TTC28: variants seen among roughly 807,000 people sequenced by gnomAD.
TTC28 encodes the protein tetratricopeptide repeat protein 28.
In TTC28, 61 loss-of-function variants were observed where a neutral mutation model predicts 198.0. The observed-to-expected ratio is 0.31, with a 90% CI of 0.25 to 0.38. The LOEUF is 0.38. Among genes scored for constraint, TTC28 ranks in the 10% least tolerant of loss-of-function variants. The pLI is 1.00. For synonymous variants in TTC28, 1,171 were observed against 1,297.8 expected, an observed-to-expected ratio of 0.90 and a Z score of 2.10; for missense variants, 2,678 against 3,164.0, an observed-to-expected ratio of 0.85 and a Z score of 3.69.
intron 2 of TTC28, among the ~76,000 whole-genome samples, chr22:28,525,639 C>T (rs1174900846): frequency 6.6e-6 from 1 of 152,190 alleles, no homozygotes; most frequent in African/African-American, 2.4e-5. Context: ...GTTATCTATA[C>T]TCCATGAGGC....
At chr22:28,010,297 C>A (rs1244151348) in intron 14 of TTC28, among the ~76,000 whole-genome samples, 1 of 152,168 alleles carries the variant, frequency 6.6e-6, no homozygotes, top group African/African-American at 2.4e-5. Flanking sequence ...ATAACCTTCC[C>A]CCTTCCTAGC....
intron 2 of TTC28, among the ~76,000 whole-genome samples, chr22:28,315,398 G>A (rs1408328547): frequency 6.6e-6 from 1 of 152,056 alleles, no homozygotes; most frequent in African/African-American, 2.4e-5. Context: ...GGCCCTTGGA[G>A]CTATGATATC....
intron 2 of TTC28, among the ~76,000 whole-genome samples, chr22:28,328,238 C>T (rs1405003401): frequency 6.6e-6 from 1 of 152,050 alleles, no homozygotes. Context: ...TCAAGACCAG[C>T]TTGGGCAACA....
Position 28,046,598 on chromosome 22 carries a change from G to T in TTC28, c.3933-16232C>A, listed in dbSNP as rs143938866. 4.8e-3 allele frequency among the ~76,000 whole-genome samples: 730 copies of T among 152,226 alleles called. 4 individuals are homozygous for T. Among genetic ancestry groups the T allele is most frequent in the Non-Finnish European group, 7.4e-3 (505 of 68,006 alleles). ...AAGGTAACCAAGCAAAAAAGTAAAAGCCCCTCTCTCCTCCCACAAAGTGAG... is the reference window on the plus strand; with the variant it reads ...AAGGTAACCAAGCAAAAAAGTAAAATCCCCTCTCTCCTCCCACAAAGTGAG... On this transcript the variant is annotated intron_variant, in intron 12 of 22. Coordinates refer to ENST00000397906, the MANE Select transcript of TTC28 (RefSeq NM_001145418.2).
At chr22:28,535,487 C>A (rs2049246684) in intron 2 of TTC28, among the ~76,000 whole-genome samples, 1 of 152,138 alleles carries the variant, frequency 6.6e-6, no homozygotes, top group Non-Finnish European at 1.5e-5. Flanking sequence ...CTTTGAGATT[C>A]ATTAATGTTT....
intron 6 of TTC28, among the ~76,000 whole-genome samples, chr22:28,146,246 G>C (rs1256057113): frequency 1.3e-5 from 2 of 152,204 alleles, no homozygotes; most frequent in African/African-American, 4.8e-5. Flanking sequence ...TCTGCTACAA[G>C]AAGAAGGGAA....
chr22:28,529,427 G>A (rs2049082647), intron 2 of TTC28, among the ~76,000 whole-genome samples: 1 of 152,206 alleles, frequency 6.6e-6, no homozygotes, highest in Non-Finnish European at 1.5e-5. Flanking sequence ...ACTGGGTGGA[G>A]TCCACCACAG....
intron 6 of TTC28, among the ~76,000 whole-genome samples, chr22:28,118,496 C>T (rs1942700000): frequency 6.6e-6 from 1 of 152,018 alleles, no homozygotes; most frequent in Non-Finnish European, 1.5e-5. Flanking sequence ...GATTATAATA[C>T]CATATTTTTA....
intron 1 of TTC28, among the ~76,000 whole-genome samples, chr22:28,648,711 C>T (rs1373528051): frequency 6.6e-6 from 1 of 152,180 alleles, no homozygotes; most frequent in Non-Finnish European, 1.5e-5. Context: ...GAATTCGAGA[C>T]CAGCCTGGGC....
intron 11 of TTC28, among the ~76,000 whole-genome samples, chr22:28,094,953 A>G (rs1941928537): frequency 1.3e-5 from 2 of 152,194 alleles, no homozygotes; most frequent in Admixed American, 1.3e-4. Flanking sequence ...CCTCATTAAG[A>G]GCAAAAAGGA....
At chr22:28,319,986 C>T (rs1341166671) in intron 2 of TTC28, among the ~76,000 whole-genome samples, 1 of 152,054 alleles carries the variant, frequency 6.6e-6, no homozygotes, top group Non-Finnish European at 1.5e-5. Flanking sequence ...AGGCAAGATG[C>T]CACGTGTTTT....
At chr22:28,507,913 A>G (rs1340034832) in intron 2 of TTC28, among the ~76,000 whole-genome samples, 1 of 152,196 alleles carries the variant, frequency 6.6e-6, no homozygotes, top group Non-Finnish European at 1.5e-5. Context: ...AGGAAGCACT[A>G]AATATGGAAA....
chr22:28,503,608 C>G (rs2048565492), intron 2 of TTC28, among the ~76,000 whole-genome samples: 1 of 152,126 alleles, frequency 6.6e-6, no homozygotes, highest in Non-Finnish European at 1.5e-5. Context: ...CTCTAAACTT[C>G]AAAATGTTAC....
intron 2 of TTC28, among the ~76,000 whole-genome samples, chr22:28,552,116 AC>A (rs1229904529): frequency 6.6e-6 from 1 of 151,940 alleles, no homozygotes; most frequent in African/African-American, 2.4e-5. Flanking sequence ...CAAAAACTCA[AC>A]CCCCTTCACG....
chr22:28,648,335 A>G (rs1408139362), intron 1 of TTC28, among the ~76,000 whole-genome samples: 1 of 152,226 alleles, frequency 6.6e-6, no homozygotes, highest in Non-Finnish European at 1.5e-5. Flanking sequence ...TTAAAAAACC[A>G]AAAAACAATA....
intron 2 of TTC28, among the ~76,000 whole-genome samples, chr22:28,337,795 A>G (rs979190470): frequency 6.6e-6 from 1 of 151,958 alleles, no homozygotes; most frequent in Non-Finnish European, 1.5e-5. Context: ...TCTTTATCCA[A>G]TTTGCCAGTC....
In TTC28 at chr22:28,107,391, T is replaced by C. The variant is rs1942339991; in HGVS notation, c.2454A>G (p.Glu818=). Residue 818 remains glutamate, a synonymous_variant, in exon 7 of 23, where the codon GAA becomes GAG. Transcript: ENST00000397906. ...GCTTTTGCCCTAGATCCAGTTGCTCTTCATAACACTTGAATGCCATTGTGT... is the reference window on the plus strand; with the variant it reads ...GCTTTTGCCCTAGATCCAGTTGCTCCTCATAACACTTGAATGCCATTGTGT... ...GKYTMAFKCY[E]EQLDLGQKLK... 1 of 1,551,870 alleles carries C rather than the reference T, an allele frequency of 6.4e-7. No individual in the cohort carries two copies. Among genetic ancestry groups the C allele is most frequent in the African/African-American group, 1.4e-5 (1 of 73,182 alleles).
chr22:28,338,518 C>T (rs2045771531), intron 2 of TTC28, among the ~76,000 whole-genome samples: 1 of 152,154 alleles, frequency 6.6e-6, no homozygotes. Context: ...TCCCATATTT[C>T]TTGGAGGCTT....
chr22:28,442,115 A>AT (rs796335322), intron 2 of TTC28, among the ~76,000 whole-genome samples: 53 of 148,548 alleles, frequency 3.6e-4, no homozygotes, highest in East Asian at 2.2e-3. Context: ...GAACCGCTGG[A>AT]TTTTTTTTTT....
Sources: allele counts gnomAD v4.1 joint callset (sites outside exome capture counted in the v4.1 genomes callset), GRCh38; gene constraint gnomAD v4.1.1; transcripts MANE v1.5; gene names NCBI Gene and HGNC (gene_info 2026-07-23, HGNC 2026-07-21).